The following ZNF469 variants were observed in gnomAD, a reference collection of about 807,000 sequenced individuals.
ZNF469 encodes zinc finger protein 469.
In ZNF469, 1 loss-of-function variant was observed where a neutral mutation model predicts 1.0. The ratio of observed to expected loss-of-function variants is 1.00; its 90% CI spans 0.35 to 4.73. ZNF469 has a LOEUF of 4.73. ZNF469 is among the 30% of genes most tolerant of loss of function. The pLI is 0.16. For missense variants in ZNF469, 6,100 were observed against 5,356.3 expected (o/e 1.14, Z -4.33); for synonymous variants, 2,703 against 2,363.4 (o/e 1.14, Z -4.17).
chr16:88,396,624 A>AGGAGACCCTCCTGAAGGGAGGCCGGGC (rs1259504894), intron 1 of ZNF469, among the ~76,000 whole-genome samples: 9 of 144,392 alleles, frequency 6.2e-5, no homozygotes, highest in East Asian at 4.2e-4. Flanking sequence ...GGAGGCCGGG[A>AGGAGACCCTCCTGAAGGGAGGCCGGGC]GGAGACCCTC....
In ZNF469 at chr16:88,428,692, G is replaced by A. The variant is rs969419472; in HGVS notation, c.1222G>A (p.Gly408Arg). The change falls in exon 3 of 3, where the codon GGG (glycine) becomes AGG (arginine). Residue 408 changes from glycine (G) to arginine (R), a missense_variant. Coordinates refer to ENST00000565624, the MANE Select transcript of ZNF469 (RefSeq NM_001367624.2). ...PSSLPQRHFP[G>R]QAYRASGVDT... ...CTCCCTACCCCAGAGGCACTTTCCAGGGCAGGCGTACAGAGCCAGTGGGGT... is the reference window on the plus strand; with the variant it reads ...CTCCCTACCCCAGAGGCACTTTCCAAGGCAGGCGTACAGAGCCAGTGGGGT... The A allele has an allele frequency of 3.2e-6, 5 of 1,549,370 alleles. No homozygotes were observed. Among genetic ancestry groups the A allele is most frequent in the Non-Finnish European group, 4.4e-6 (5 of 1,146,798 alleles).
chr16:88,415,012 G>A (rs1487155229), intron 1 of ZNF469, among the ~76,000 whole-genome samples: 2 of 152,184 alleles, frequency 1.3e-5, no homozygotes, highest in African/African-American at 2.4e-5. Flanking sequence ...ACCTGCAACA[G>A]GGAAGGGCAC....
the ZNF469 span, among the ~76,000 whole-genome samples, chr16:88,279,924 G>A: frequency 9.8e-5 from 13 of 133,292 alleles, 1 homozygote; most frequent in African/African-American, 1.6e-4. Context: ...GGTCAGTACC[G>A]TGTAGATATC....
chr16:88,343,733 C>T, the ZNF469 span, among the ~76,000 whole-genome samples: 1 of 152,058 alleles, frequency 6.6e-6, no homozygotes, highest in Non-Finnish European at 1.5e-5. Flanking sequence ...CCTGTAATAA[C>T]CCATGAATCC....
At chr16:88,215,837 C>T in the ZNF469 span, among the ~76,000 whole-genome samples, 8 of 152,086 alleles carry the variant, frequency 5.3e-5, no homozygotes, top group Admixed American at 1.3e-4. Context: ...GAATCTTAAC[C>T]GCTACTACTT....
At chr16:88,384,391 G>A (rs2092532720) in intron 1 of ZNF469, among the ~76,000 whole-genome samples, 1 of 152,214 alleles carries the variant, frequency 6.6e-6, no homozygotes, top group Admixed American at 6.5e-5. Context: ...CTGCATTCCT[G>A]AAAATAAACA....
chr16:88,376,054 G>C, the ZNF469 span, among the ~76,000 whole-genome samples: 2 of 152,242 alleles, frequency 1.3e-5, no homozygotes, highest in African/African-American at 4.8e-5. Context: ...CGTACACTGA[G>C]GGCATTCATG....
At chr16:88,198,454 C>T in the ZNF469 span, among the ~76,000 whole-genome samples, 2 of 152,238 alleles carry the variant, frequency 1.3e-5, no homozygotes, top group African/African-American at 2.4e-5. Flanking sequence ...TCTAGATCTG[C>T]ACTGTCCAGT....
the ZNF469 span, among the ~76,000 whole-genome samples, chr16:88,294,046 G>C: frequency 5.3e-5 from 8 of 152,192 alleles, no homozygotes; most frequent in African/African-American, 1.9e-4. Flanking sequence ...CTCCCCTAGA[G>C]CCCCCAGTGC....
In ZNF469 at chr16:88,436,673, T is replaced by A; in HGVS notation, c.9203T>A (p.Val3068Glu). 1 of 1,550,262 alleles carries A rather than the reference T, an allele frequency of 6.5e-7. No individual in the cohort carries two copies. The highest frequency in any genetic ancestry group is 8.7e-7 in the Non-Finnish European group (1 of 1,146,926). Residue 3068 changes from valine (V) to glutamate (E), a missense_variant, in exon 3 of 3, where the codon GTG (valine) becomes GAG (glutamate). Coordinates refer to ENST00000565624, the MANE Select transcript of ZNF469 (RefSeq NM_001367624.2). ...TTTCTGGGACCCTTTGAAGACCCCG[T>A]GGGTCTCCCCGGCCCCAGCTTCTTA... ...LCFLGPFEDP[V>E]GLPGPSFLDF... is the part of the protein sequence containing the mutation.
the ZNF469 span, chr16:88,276,534 C>G: frequency 6.6e-6 from 1 of 152,270 alleles, no homozygotes; most frequent in Non-Finnish European, 1.5e-5. Context: ...GACCGGCCCC[C>G]ACCCTGGAGT....
At chr16:88,261,557 G>C in the ZNF469 span, among the ~76,000 whole-genome samples, 3 of 152,322 alleles carry the variant, frequency 2.0e-5, no homozygotes, top group South Asian at 4.1e-4. The surrounding 1 kb of genome is among the most constrained non-coding windows in gnomAD (Gnocchi z 6.0). Context: ...GTATGAGCCT[G>C]TCCTCTAGAA....
At chr16:88,161,922 C>G in the ZNF469 span, among the ~76,000 whole-genome samples, 1 of 152,146 alleles carries the variant, frequency 6.6e-6, no homozygotes, top group South Asian at 2.1e-4. Flanking sequence ...TATTTATATT[C>G]TGGACCCAAA....
chr16:88,229,638 T>TGTGGATGTAACGC, the ZNF469 span, among the ~76,000 whole-genome samples: 49,077 of 132,530 alleles, frequency 0.37, 9,072 homozygotes, highest in Middle Eastern at 0.42. Context: ...GGATGTCACG[T>TGTGGATGTAACGC]GTGTGTGCTG....
chr16:88,108,239 A>AG, the ZNF469 span, among the ~76,000 whole-genome samples: 1 of 115,792 alleles, frequency 8.6e-6, no homozygotes, highest in Non-Finnish European at 1.8e-5. Context: ...GGATGCGGGG[A>AG]GGGGGGTCCA....
chr16:88,329,043 T>C, the ZNF469 span, among the ~76,000 whole-genome samples: 3 of 152,192 alleles, frequency 2.0e-5, no homozygotes, highest in Non-Finnish European at 2.9e-5. Context: ...GCCTCCATAT[T>C]TCCTGCAGTT....
chr16:88,218,839 C>T, the ZNF469 span, among the ~76,000 whole-genome samples: 13 of 150,600 alleles, frequency 8.6e-5, no homozygotes, highest in African/African-American at 3.2e-4. Context: ...TCCCTGTTTG[C>T]AGACGACATG....
chr16:88,258,715 T>G, the ZNF469 span, among the ~76,000 whole-genome samples: 1 of 152,168 alleles, frequency 6.6e-6, no homozygotes, highest in Non-Finnish European at 1.5e-5. Flanking sequence ...TCTGATGAAC[T>G]CGGATGACAT....
chr16:88,412,293 C>T (rs1164376447), intron 1 of ZNF469, among the ~76,000 whole-genome samples: 3 of 152,228 alleles, frequency 2.0e-5, no homozygotes, highest in Non-Finnish European at 4.4e-5. Context: ...CACCCAGTGC[C>T]CACCTTCCCA....
Sources: allele counts gnomAD v4.1 joint callset (sites outside exome capture counted in the v4.1 genomes callset), GRCh38; gene constraint gnomAD v4.1.1; non-coding constraint Gnocchi (gnomAD v3.1); transcripts MANE v1.5; gene names NCBI Gene and HGNC (gene_info 2026-07-23, HGNC 2026-07-21).